PAK5: variants seen among roughly 807,000 people sequenced by gnomAD.
The protein encoded by PAK5 is p21 (RAC1) activated kinase 5, also known as serine/threonine-protein kinase PAK 5.
Under a neutral mutation model 65.9 loss-of-function variants are expected in PAK5, and 16 were observed. That is an observed-to-expected ratio of 0.24 (90% CI 0.16 to 0.37). PAK5 has a LOEUF of 0.37. Among genes scored for constraint, PAK5 ranks in the 10% least tolerant of loss-of-function variants. The pLI, the probability that PAK5 is intolerant of heterozygous loss-of-function variation, is 1.00. For synonymous variants in PAK5, 371 were observed against 354.9 expected (o/e 1.05, Z -0.51); for missense variants, 785 against 903.9 (o/e 0.87, Z 1.69).
chr20:9,551,359 G>A (rs568192667), intron 7 of PAK5, among the ~76,000 whole-genome samples: 8 of 152,176 alleles, frequency 5.3e-5, no homozygotes, highest in East Asian at 3.9e-4. Context: ...TATGTTGTCC[G>A]CCCCCTAAAA....
chr20:9,645,613 A>G (rs567494301), intron 2 of PAK5, among the ~76,000 whole-genome samples: 2 of 150,936 alleles, frequency 1.3e-5, no homozygotes, highest in Non-Finnish European at 3.0e-5. Context: ...GAGACAGAGT[A>G]TCGCTCTGTT....
intron 3 of PAK5, among the ~76,000 whole-genome samples, chr20:9,584,700 C>T (rs2046038443): frequency 6.6e-6 from 1 of 152,196 alleles, no homozygotes; most frequent in Non-Finnish European, 1.5e-5. Flanking sequence ...AACTTCTGGC[C>T]TCCTTTCCTA....
intron 1 of PAK5, among the ~76,000 whole-genome samples, chr20:9,772,459 T>C (rs552112767): frequency 1.9e-5 from 1 of 53,774 alleles, no homozygotes; most frequent in South Asian, 6.0e-4. Flanking sequence ...AGGGGATGTA[T>C]GCCATTGGTC....
At chr20:9,627,813 G>C (rs2046867516) in intron 3 of PAK5, among the ~76,000 whole-genome samples, 1 of 152,030 alleles carries the variant, frequency 6.6e-6, no homozygotes, top group Non-Finnish European at 1.5e-5. Flanking sequence ...ATTTAGTAGA[G>C]ACAGGGTTTT....
intron 9 of PAK5, among the ~76,000 whole-genome samples, chr20:9,541,547 T>G (rs1313285593): frequency 6.6e-6 from 1 of 152,206 alleles, no homozygotes; most frequent in African/African-American, 2.4e-5. Context: ...TAAGCCTTCT[T>G]TCTTGGCTTA....
chr20:9,546,100 G>C (rs2045339675), intron 7 of PAK5, among the ~76,000 whole-genome samples: 1 of 152,124 alleles, frequency 6.6e-6, no homozygotes, highest in African/African-American at 2.4e-5. Context: ...GATTCAGCAG[G>C]GAGGTCTGAC....
At chr20:9,730,243 A>C (rs2048322343) in intron 1 of PAK5, among the ~76,000 whole-genome samples, 1 of 151,994 alleles carries the variant, frequency 6.6e-6, no homozygotes. Flanking sequence ...TAAAATACTT[A>C]AGAGCTATTA....
chr20:9,666,258 T>C (rs548543227), intron 2 of PAK5, among the ~76,000 whole-genome samples: 2 of 152,044 alleles, frequency 1.3e-5, no homozygotes. Context: ...AGCCATTTAC[T>C]GTATTGAAAC....
intron 1 of PAK5, among the ~76,000 whole-genome samples, chr20:9,717,153 C>A (rs1335558974): frequency 6.6e-6 from 1 of 151,550 alleles, no homozygotes; most frequent in East Asian, 1.9e-4. Context: ...AACAGCTATA[C>A]CATTCTGAAC....
intron 1 of PAK5, among the ~76,000 whole-genome samples, chr20:9,765,491 G>C (rs185320150): frequency 9.1e-4 from 138 of 151,610 alleles, no homozygotes; most frequent in African/African-American, 3.1e-3. Flanking sequence ...AAGTGAAAAT[G>C]TTAGCTATTT....
chr20:9,763,861 C>T (rs2123654783), intron 1 of PAK5, among the ~76,000 whole-genome samples: 1 of 152,250 alleles, frequency 6.6e-6, no homozygotes, highest in East Asian at 1.9e-4. Context: ...CATATAATTA[C>T]ACATATACTT....
chr20:9,763,191 T>C (rs2048719779), intron 1 of PAK5, among the ~76,000 whole-genome samples: 1 of 152,130 alleles, frequency 6.6e-6, no homozygotes, highest in African/African-American at 2.4e-5. Flanking sequence ...GTAGATCTAC[T>C]ATATAGCATA....
intron 6 of PAK5, among the ~76,000 whole-genome samples, chr20:9,559,196 T>C (rs780944258): frequency 3.9e-5 from 6 of 152,096 alleles, no homozygotes; most frequent in Non-Finnish European, 8.8e-5. Context: ...CTATCCCATG[T>C]TAAATAATAA....
intron 1 of PAK5, among the ~76,000 whole-genome samples, chr20:9,790,542 G>A (rs1346103395): frequency 2.6e-5 from 4 of 152,088 alleles, no homozygotes; most frequent in African/African-American, 9.7e-5. Context: ...GTCTAACTCT[G>A]TTGACCAGGC....
At chr20:9,573,672 G>A (rs540445754) in intron 4 of PAK5, among the ~76,000 whole-genome samples, 2 of 152,320 alleles carry the variant, frequency 1.3e-5, no homozygotes, top group South Asian at 4.1e-4. Context: ...GGAAAAAACA[G>A]TACTGCAGGA....
chr20:9,783,237 A>C (rs2048960964), intron 1 of PAK5, among the ~76,000 whole-genome samples: 1 of 152,136 alleles, frequency 6.6e-6, no homozygotes, highest in South Asian at 2.1e-4. Context: ...CACCCAGCCA[A>C]GTTTGTCTAC....
In PAK5 at chr20:9,586,163, C is replaced by T. The variant is rs151166341; in HGVS notation, c.205-5233G>A. Among the ~76,000 whole-genome samples, 53 of 152,216 alleles carry T rather than the reference C, an allele frequency of 3.5e-4. 1 individual carries two copies. In the East Asian group the frequency reaches 0.01, roughly 29 times the overall value. On this transcript the variant is annotated intron_variant, in intron 3 of 9. Coordinates refer to ENST00000353224, the MANE Select transcript of PAK5 (RefSeq NM_177990.4). ...TGTTTGGAATTTATGTCCAAAAAAC[C>T]TATTAGTTCATCTTCACAAATTAAC...
At chr20:9,602,582 A>G (rs2046381608) in intron 3 of PAK5, among the ~76,000 whole-genome samples, 1 of 152,168 alleles carries the variant, frequency 6.6e-6, no homozygotes, top group Non-Finnish European at 1.5e-5. Flanking sequence ...TTTGCAGATC[A>G]TTCTATTCTC....
At chr20:9,636,141 G>GCCCTGTA (rs747942176) in intron 3 of PAK5, among the ~76,000 whole-genome samples, 4 of 152,140 alleles carry the variant, frequency 2.6e-5, no homozygotes, top group Non-Finnish European at 4.4e-5. Flanking sequence ...TCAGATAGTT[G>GCCCTGTA]CCCTGTATTT....
Sources: allele counts gnomAD v4.1 joint callset (sites outside exome capture counted in the v4.1 genomes callset), GRCh38; gene constraint gnomAD v4.1.1; transcripts MANE v1.5; gene names NCBI Gene and HGNC (gene_info 2026-07-23, HGNC 2026-07-21).